TARS3: variants seen among roughly 807,000 people sequenced by gnomAD.
TARS3 encodes threonyl-tRNA synthetase 3.
A neutral mutation model predicts 103.5 loss-of-function variants in TARS3; 94 were observed. The ratio of observed to expected loss-of-function variants is 0.91; its 90% CI spans 0.77 to 1.08. The LOEUF is 1.08. TARS3 is among the 50% of genes least tolerant of loss of function. The probability of loss-of-function intolerance (pLI) is 0.00; values close to 1 mark genes in which losing one functional copy is unlikely to be tolerated. For synonymous variants in TARS3, 416 were observed against 355.4 expected (o/e 1.17, Z -1.92); for missense variants, 952 against 995.2 (o/e 0.96, Z 0.58).
chr15:101,687,404 A>G (rs1420107814), intron 10 of TARS3, among the ~76,000 whole-genome samples: 1 of 152,150 alleles, frequency 6.6e-6, no homozygotes, highest in Non-Finnish European at 1.5e-5. Flanking sequence ...CTCCATCTCA[A>G]AAAAAGAAAG....
intron 13 of TARS3, among the ~76,000 whole-genome samples, chr15:101,673,763 G>A (rs1179429500): frequency 6.6e-6 from 1 of 152,146 alleles, no homozygotes; most frequent in African/African-American, 2.4e-5. Flanking sequence ...AAGAGCTTAG[G>A]ATGGGCACGG....
At chr15:101,685,799 A>T in intron 11 of TARS3, 97 bp downstream of exon 11, 2 of 1,014,254 alleles carry the variant, frequency 2.0e-6, no homozygotes, top group Non-Finnish European at 2.8e-6. Context: ...TCTTCAGATT[A>T]AAGGGACTCT....
chr15:101,679,544 ATTAG>A (rs1305189422), intron 12 of TARS3, among the ~76,000 whole-genome samples: 5 of 152,054 alleles, frequency 3.3e-5, no homozygotes, highest in Non-Finnish European at 5.9e-5. Flanking sequence ...GTAATTGCTC[ATTAG>A]TTAGTAATTG....
intron 12 of TARS3, among the ~76,000 whole-genome samples, chr15:101,676,558 G>A (rs1898032938): frequency 1.3e-5 from 2 of 152,164 alleles, no homozygotes; most frequent in Non-Finnish European, 2.9e-5. Context: ...GAATGCAGTG[G>A]TGTGGTCTTG....
intron 2 of TARS3, among the ~76,000 whole-genome samples, chr15:101,722,039 T>C (rs763096546): frequency 6.6e-6 from 1 of 152,154 alleles, no homozygotes; most frequent in Non-Finnish European, 1.5e-5. Context: ...AGCTTACGTG[T>C]ATTAAATACA....
intron 5 of TARS3, 68 bp downstream of exon 5, chr15:101,711,812 G>C: frequency 6.4e-7 from 1 of 1,559,800 alleles, no homozygotes. Context: ...TACTAGGCTA[G>C]TATGTAACCA....
At chr15:101,716,855 A>T (rs1224633613) in intron 3 of TARS3, among the ~76,000 whole-genome samples, 8 of 131,646 alleles carry the variant, frequency 6.1e-5, no homozygotes, top group South Asian at 2.4e-4. Context: ...CTACAATGTA[A>T]TTTTTTTTTT....
intron 1 of TARS3, among the ~76,000 whole-genome samples, chr15:101,723,378 C>T (rs1900589246): frequency 6.6e-6 from 1 of 152,116 alleles, no homozygotes; most frequent in South Asian, 2.1e-4. Context: ...ATATATTGTG[C>T]TCTTGAAAAC....
Position 101,724,405 on chromosome 15 carries a change from ACCGACG to A in TARS3, c.-24_-19del. On this transcript the variant is annotated 5_prime_UTR_variant, in exon 1 of 19. Transcript: ENST00000335968. ...GCCGCCATCGCGGCCTCCCTCAGGC[ACCGACG>A]CCGAGCGGGGTGCCCGCGACTGCGG... 7.1e-7 allele frequency: 1 copy of A among 1,400,896 alleles called. No individual in the cohort carries two copies. The highest frequency in any genetic ancestry group is 9.2e-7 in the Non-Finnish European group (1 of 1,084,468). The allele number at this position is 1,400,896 out of a possible 1,614,324, so 86.8% of individuals were successfully genotyped here. A position where few individuals can be genotyped will look rare whatever the true frequency, so the allele number is the denominator to read the frequency against.
At chr15:101,711,845 C>A (rs1031745233) in intron 5 of TARS3, 35 bp downstream of exon 5, 12 of 1,606,598 alleles carry the variant, frequency 7.5e-6, no homozygotes, top group Non-Finnish European at 1.0e-5. Context: ...ACAATTGAAA[C>A]ACATGCATTC....
intron 5 of TARS3, among the ~76,000 whole-genome samples, chr15:101,709,915 C>T (rs1443366425): frequency 6.6e-6 from 1 of 152,156 alleles, no homozygotes; most frequent in Non-Finnish European, 1.5e-5. Context: ...TGGAGTGATA[C>T]GAGTGTCTTT....
intron 9 of TARS3, among the ~76,000 whole-genome samples, chr15:101,701,973 T>C (rs982572159): frequency 1.1e-4 from 17 of 152,132 alleles, no homozygotes; most frequent in Admixed American, 2.0e-4. Context: ...AGGTGGGGTT[T>C]CACCAAAAAC....
At chr15:101,724,059 C>A (rs542254814) in intron 1 of TARS3, 32 bp downstream of exon 1, 74 of 1,341,422 alleles carry the variant, frequency 5.5e-5, no homozygotes, top group Middle Eastern at 2.8e-4. Flanking sequence ...GCCCCGCCCG[C>A]GTCCTCTCCA....
intron 18 of TARS3, among the ~76,000 whole-genome samples, chr15:101,655,198 C>T (rs111401608): frequency 7.5e-5 from 10 of 133,272 alleles, no homozygotes; most frequent in African/African-American, 1.7e-4. Flanking sequence ...CAAATGAGAG[C>T]GGGGAGCTCT....
chr15:101,706,370 A>G (rs1430136686), intron 6 of TARS3, among the ~76,000 whole-genome samples: 1 of 152,240 alleles, frequency 6.6e-6, no homozygotes, highest in African/African-American at 2.4e-5. Context: ...CAAAAAGAAG[A>G]AGAAAATCAT....
At chr15:101,685,643 T>C (rs560018141) in intron 11 of TARS3, among the ~76,000 whole-genome samples, 4 of 152,166 alleles carry the variant, frequency 2.6e-5, no homozygotes, top group Non-Finnish European at 5.9e-5. Flanking sequence ...CTTATAAAAT[T>C]GACACATAAC....
At chr15:101,717,625 C>T (rs1038789422) in intron 3 of TARS3, among the ~76,000 whole-genome samples, 2 of 152,320 alleles carry the variant, frequency 1.3e-5, no homozygotes, top group South Asian at 2.1e-4. Flanking sequence ...AACCTCTCTC[C>T]ACCTTCTGTA....
intron 4 of TARS3, 153 bp downstream of exon 4, chr15:101,714,687 C>T (rs367813791): frequency 2.1e-6 from 1 of 482,492 alleles, no homozygotes; most frequent in Non-Finnish European, 3.4e-6. Context: ...TACATTCATG[C>T]CACAAATATT....
intron 5 of TARS3, 87 bp downstream of exon 5, chr15:101,711,793 G>A (rs1899880303): frequency 1.3e-6 from 2 of 1,499,954 alleles, no homozygotes; most frequent in Non-Finnish European, 1.8e-6. Context: ...AGGGCCAGCA[G>A]TATACAGTTA....
Sources: allele counts gnomAD v4.1 joint callset (sites outside exome capture counted in the v4.1 genomes callset), GRCh38; gene constraint gnomAD v4.1.1; transcripts MANE v1.5; gene names NCBI Gene and HGNC (gene_info 2026-07-23, HGNC 2026-07-21).